Variants in CDK13 observed in about 807,000 individuals in gnomAD.
CDK13 encodes cyclin-dependent kinase 13.
Under a neutral mutation model 137.6 loss-of-function variants are expected in CDK13, and 40 were observed. That is an observed-to-expected ratio of 0.29 (90% CI 0.23 to 0.38). The LOEUF is 0.38. CDK13 is among the 10% of genes least tolerant of loss of function. The pLI is 1.00. For missense variants in CDK13, 1,704 were observed against 1,951.8 expected (o/e 0.87, Z 2.39); for synonymous variants, 869 against 760.1 (o/e 1.14, Z -2.36).
rs1362374699 is a variant in CDK13 at position 39,951,597 on chromosome 7, T to G, written c.956T>G (p.Leu319Arg). 10 of 1,490,014 alleles carry G rather than the reference T, an allele frequency of 6.7e-6. No homozygotes were observed. The highest frequency in any genetic ancestry group is 8.9e-6 in the Non-Finnish European group (10 of 1,122,664). 92.3% of individuals were successfully genotyped at this position (1,490,014 alleles called of 1,614,324 possible). The part of the protein sequence containing the change: ...AYRRRRSLSP[L>R]GGRDDSPVSH... ...AGGCGGCGGCGGTCCCTCAGCCCAC[T>G]GGGAGGCCGGGACGACAGCCCGGTG... The change falls in exon 1 of 14, where the codon CTG becomes CGG. Residue 319 changes from leucine (L) to arginine (R), a missense_variant. By Grantham distance (102) the Leu-to-Arg change is moderately radical (BLOSUM62 -2). Coordinates refer to ENST00000181839, the MANE Select transcript of CDK13 (RefSeq NM_003718.5).
At chr7:40,043,755 G>A (rs375631658) in intron 5 of CDK13, among the ~76,000 whole-genome samples, 2 of 151,886 alleles carry the variant, frequency 1.3e-5, no homozygotes, top group Non-Finnish European at 2.9e-5. Flanking sequence ...CTTGAGCTCA[G>A]AGGTCAGGGA....
chr7:40,098,860 G>GA lies in CDK13; in HGVS notation c.*3886dup, dbSNP rs946320391. 1.4e-4 allele frequency: 21 copies of GA among 151,824 alleles called. No individual in the cohort carries two copies. The highest frequency in any genetic ancestry group is 3.3e-4 in the Admixed American group (5 of 15,234). 9.4% of individuals were successfully genotyped at this position (151,824 alleles called of 1,614,324 possible). A position where few individuals can be genotyped will look rare whatever the true frequency, so the allele number is the denominator to read the frequency against. On this transcript the variant is annotated 3_prime_UTR_variant, in exon 14 of 14. Coordinates refer to ENST00000181839, the MANE Select transcript of CDK13 (RefSeq NM_003718.5). ...CTGCTTAAAAAACAATTTTTATTTA[G>GA]AAAAAATAGAAAAATAAAAACATCT...
rs369729903 is a variant in CDK13 at position 40,042,404 on chromosome 7, C to A, written c.2354-3432C>A. Among the ~76,000 whole-genome samples the A allele has an allele frequency of 2.0e-5, 3 of 148,926 alleles. No homozygotes were observed. The East Asian group carries it at 6.0e-4, about 30-fold the overall frequency. ...CCGTTTTTGTATTGATTTGTAAGAT[C>A]TCATTTTATATTAAGGATATTAATC... On this transcript the variant is annotated intron_variant, in intron 5 of 13. Coordinates refer to ENST00000181839, the MANE Select transcript of CDK13 (RefSeq NM_003718.5).
At chr7:40,013,015 G>A (rs1784929268) in intron 5 of CDK13, among the ~76,000 whole-genome samples, 1 of 152,096 alleles carries the variant, frequency 6.6e-6, no homozygotes, top group African/African-American at 2.4e-5. Flanking sequence ...CAACCCAAGT[G>A]TCCTTGGATG....
At chr7:40,028,509 C>T (rs1009830072) in intron 5 of CDK13, among the ~76,000 whole-genome samples, 8 of 152,104 alleles carry the variant, frequency 5.3e-5, no homozygotes, top group South Asian at 2.1e-4. Flanking sequence ...TGAGCCACCA[C>T]GCCCAGCCTG....
At chr7:39,962,382 A>G (rs148465528) in intron 1 of CDK13, among the ~76,000 whole-genome samples, 6,311 of 152,256 alleles carry the variant, frequency 0.041, 379 homozygotes, top group African/African-American at 0.14. Context: ...TTCTCTGATG[A>G]CCAGTGATGA....
intron 1 of CDK13, among the ~76,000 whole-genome samples, chr7:39,982,332 A>G (rs1324565309): frequency 1.3e-5 from 2 of 152,054 alleles, no homozygotes; most frequent in African/African-American, 4.8e-5. Flanking sequence ...ATGTCCCTAC[A>G]AAGGACATGA....
At chr7:39,999,306 C>G (rs1784634057) in intron 3 of CDK13, 55 bp from the exon 4 acceptor site, 2 of 1,424,460 alleles carry the variant, frequency 1.4e-6, no homozygotes, top group Admixed American at 4.2e-5. Flanking sequence ...AGTTATTAGA[C>G]AGTTTATTCA....
chr7:40,043,632 A>G (rs1785663616), intron 5 of CDK13, among the ~76,000 whole-genome samples: 1 of 152,026 alleles, frequency 6.6e-6, no homozygotes, highest in African/African-American at 2.4e-5. Context: ...AACCTGGGTA[A>G]CATAGAGAGA....
chr7:40,051,477 A>G (rs1785886929), intron 7 of CDK13, among the ~76,000 whole-genome samples: 1 of 152,192 alleles, frequency 6.6e-6, no homozygotes, highest in African/African-American at 2.4e-5. Context: ...TTTTTCATTC[A>G]TATTTCTGCT....
intron 7 of CDK13, 79 bp downstream of exon 7, chr7:40,047,956 TTTTA>T (rs1442921909): frequency 1.4e-5 from 12 of 874,792 alleles, no homozygotes; most frequent in Non-Finnish European, 2.2e-5. Flanking sequence ...TTATTGATAG[TTTTA>T]TTTTTTAAAA....
rs889749018 is a variant in CDK13, at chr7:40,098,503, C to T, written c.*3523C>T. On this transcript the variant is annotated 3_prime_UTR_variant, in exon 14 of 14. Transcript: ENST00000181839. The stretch of plus-strand genomic sequence containing the variant: ...TGTTTTGAATATAGATAGCTAATTC[C>T]CTGGGATATAATATCCTTTCAATTT... 1 of 151,190 alleles carries T rather than the reference C, an allele frequency of 6.6e-6. No individual in the cohort carries two copies. Among genetic ancestry groups the T allele is most frequent in the Non-Finnish European group, 1.5e-5 (1 of 67,848 alleles). The allele number at this position is 151,190 out of a possible 1,614,324, so 9.4% of individuals were successfully genotyped here.
chr7:39,953,079 A>G (rs1267563882), intron 1 of CDK13, among the ~76,000 whole-genome samples: 3 of 152,176 alleles, frequency 2.0e-5, no homozygotes, highest in Non-Finnish European at 2.9e-5. Flanking sequence ...ATCTCAACAT[A>G]ATACGAATAT....
chr7:40,023,658 C>T (rs1231660488), intron 5 of CDK13, among the ~76,000 whole-genome samples: 1 of 152,050 alleles, frequency 6.6e-6, no homozygotes, highest in Non-Finnish European at 1.5e-5. Flanking sequence ...CGCCACCACG[C>T]CTGGCTAATT....
intron 5 of CDK13, among the ~76,000 whole-genome samples, chr7:40,002,672 T>C (rs1784707632): frequency 6.6e-6 from 1 of 152,180 alleles, no homozygotes. Flanking sequence ...ATATAGGATC[T>C]TTATATAAAT....
At chr7:39,963,639 TG>T (rs1349220736) in intron 1 of CDK13, among the ~76,000 whole-genome samples, 19 of 152,240 alleles carry the variant, frequency 1.2e-4, no homozygotes, top group African/African-American at 4.6e-4. Flanking sequence ...CTGATTGCCC[TG>T]GCCAGAACTT....
At chr7:39,957,618 C>A (rs1046058450) in intron 1 of CDK13, among the ~76,000 whole-genome samples, 1 of 152,184 alleles carries the variant, frequency 6.6e-6, no homozygotes, top group Non-Finnish European at 1.5e-5. Flanking sequence ...TAAGAACCTC[C>A]TTCTAGCTTC....
chr7:40,082,296 G>A (rs913895468), intron 11 of CDK13, among the ~76,000 whole-genome samples: 4 of 151,808 alleles, frequency 2.6e-5, no homozygotes, highest in Non-Finnish European at 4.4e-5. Context: ...AGACCAGCCT[G>A]GCCAGGATGG....
chr7:40,075,959 TTGC>T (rs1786536002), intron 9 of CDK13, among the ~76,000 whole-genome samples: 1 of 152,208 alleles, frequency 6.6e-6, no homozygotes, highest in Non-Finnish European at 1.5e-5. Context: ...TGTCTATACT[TTGC>T]TACTTCCATG....
Sources: gnomAD v4.1 joint callset for allele counts (sites outside exome capture counted in the v4.1 genomes callset) on GRCh38, gnomAD v4.1.1 for gene constraint, MANE v1.5 for transcripts, NCBI Gene and HGNC (gene_info 2026-07-23, HGNC 2026-07-21) for gene names.